Variants in FBXL7 observed in about 807,000 individuals in gnomAD.
FBXL7 encodes F-box/LRR-repeat protein 7.
FBXL7 carries 12 observed loss-of-function variants against 38.3 expected under a neutral mutation model. The observed-to-expected ratio is 0.31, with a 90% CI of 0.20 to 0.51. The LOEUF (loss-of-function observed/expected upper bound fraction) is 0.51. Among genes scored for constraint, FBXL7 ranks in the 20% least tolerant of loss-of-function variants. The pLI is 0.98. For synonymous variants in FBXL7, 297 were observed against 300.9 expected (o/e 0.99, Z 0.13); for missense variants, 567 against 676.4 (o/e 0.84, Z 1.79).
chr5:15,590,219 T>C (rs1335675275), intron 1 of FBXL7, among the ~76,000 whole-genome samples: 1 of 152,178 alleles, frequency 6.6e-6, no homozygotes, highest in East Asian at 1.9e-4. Flanking sequence ...ATTTATCTGC[T>C]GCCTCATCTG....
At position 15,784,004 on chromosome 5, in the gene FBXL7, G is replaced by C. The variant is rs373780814; in HGVS notation, c.128-143886G>C. ...ATCAGCAGGTGAGCACTCAGGTCTA[G>C]CATGGTGGCCCCAATGAGTGAGCTT... On this transcript the variant is annotated intron_variant, in intron 2 of 3. Coordinates refer to ENST00000504595, the MANE Select transcript of FBXL7 (RefSeq NM_012304.5). 5.5e-4 allele frequency among the ~76,000 whole-genome samples: 84 copies of C among 152,292 alleles called. 3 individuals carry two copies. The South Asian group carries it at 0.017, about 32-fold the overall frequency.
intron 1 of FBXL7, among the ~76,000 whole-genome samples, chr5:15,524,160 C>T (rs1167566671): frequency 6.6e-6 from 1 of 152,094 alleles, no homozygotes; most frequent in Admixed American, 6.5e-5. Flanking sequence ...CACTAAGAAG[C>T]ATGTGCGTAT....
intron 1 of FBXL7, among the ~76,000 whole-genome samples, chr5:15,587,164 A>G (rs534156106): frequency 5.3e-5 from 8 of 152,320 alleles, no homozygotes; most frequent in African/African-American, 1.9e-4. Context: ...TACAGACACA[A>G]TCTCTGTTGC....
chr5:15,880,567 CTT>C (rs1025643474), intron 2 of FBXL7, among the ~76,000 whole-genome samples: 2 of 151,994 alleles, frequency 1.3e-5, no homozygotes, highest in Non-Finnish European at 2.9e-5. Flanking sequence ...TTTTGTATAT[CTT>C]TGTTTCATTT....
intron 1 of FBXL7, among the ~76,000 whole-genome samples, chr5:15,534,628 T>G (rs1363992553): frequency 6.6e-6 from 1 of 152,234 alleles, no homozygotes; most frequent in African/African-American, 2.4e-5. Flanking sequence ...AAAATCTGTG[T>G]GCAGATTTTT....
chr5:15,691,368 C>T (rs562060024), intron 2 of FBXL7, among the ~76,000 whole-genome samples: 9 of 152,324 alleles, frequency 5.9e-5, no homozygotes, highest in Non-Finnish European at 1.0e-4. Context: ...TTTTCATATT[C>T]GGACCTTTGC....
chr5:15,768,119 T>C (rs757385624), intron 2 of FBXL7, among the ~76,000 whole-genome samples: 1 of 152,194 alleles, frequency 6.6e-6, no homozygotes, highest in Non-Finnish European at 1.5e-5. Flanking sequence ...TTTACACTGA[T>C]GTAGAGGGAA....
rs547424957 is a variant in FBXL7 at position 15,529,447 on chromosome 5, G to T, written c.37+28734G>T. Among the ~76,000 whole-genome samples, 92 of 151,588 alleles carry T rather than the reference G, an allele frequency of 6.1e-4. 1 individual carries two copies. Among genetic ancestry groups the T allele is most frequent in the Middle Eastern group, 3.4e-3 (1 of 294 alleles). ...GTCTCCCAGGCTGGAGTGCAGTGGC[G>T]CGATCTCGGCTCACTGCAAGCTCTG... On this transcript the variant is annotated intron_variant, in intron 1 of 3. Coordinates refer to ENST00000504595, the MANE Select transcript of FBXL7 (RefSeq NM_012304.5).
At chr5:15,697,495 A>G (rs1236498003) in intron 2 of FBXL7, among the ~76,000 whole-genome samples, 1 of 152,232 alleles carries the variant, frequency 6.6e-6, no homozygotes, top group African/African-American at 2.4e-5. Flanking sequence ...ATAAGATTGA[A>G]TAAGTGCTAT....
At chr5:15,633,739 ATATTAT>A (rs35409501) in intron 2 of FBXL7, among the ~76,000 whole-genome samples, 24,918 of 143,324 alleles carry the variant, frequency 0.17, 2,125 homozygotes, top group Middle Eastern at 0.24. Context: ...AGGGACACAG[ATATTAT>A]TATTATTATT....
chr5:15,517,098 C>T (rs920685064), intron 1 of FBXL7, among the ~76,000 whole-genome samples: 6 of 151,736 alleles, frequency 4.0e-5, no homozygotes, highest in Non-Finnish European at 8.8e-5. Flanking sequence ...GGGATCTCGG[C>T]TCACTGCAAG....
chr5:15,714,133 TCTC>T (rs946488969), intron 2 of FBXL7, among the ~76,000 whole-genome samples: 9 of 152,206 alleles, frequency 5.9e-5, no homozygotes, highest in African/African-American at 2.2e-4. Context: ...CTGGCCTAAA[TCTC>T]CTGTTGAATT....
At chr5:15,651,657 C>A (rs1281178815) in intron 2 of FBXL7, among the ~76,000 whole-genome samples, 1 of 152,180 alleles carries the variant, frequency 6.6e-6, no homozygotes, top group African/African-American at 2.4e-5. Flanking sequence ...TTTGTTGTTT[C>A]ATTTCTAGAG....
intron 1 of FBXL7, among the ~76,000 whole-genome samples, chr5:15,593,388 G>A (rs1739535368): frequency 6.6e-6 from 1 of 152,172 alleles, no homozygotes; most frequent in Admixed American, 6.5e-5. Context: ...GCCAGGTGTG[G>A]TGGTGGGTAC....
chr5:15,555,784 G>GAGATAGATAAATAGATAGATAGAT (rs369000608), intron 1 of FBXL7, among the ~76,000 whole-genome samples: 71 of 139,798 alleles, frequency 5.1e-4, no homozygotes, highest in African/African-American at 1.8e-3. Flanking sequence ...AAGGGTAGAT[G>GAGATAGATAAATAGATAGATAGAT]AGATAGATAG....
intron 2 of FBXL7, among the ~76,000 whole-genome samples, chr5:15,743,094 C>T (rs1735932493): frequency 6.6e-6 from 1 of 152,094 alleles, no homozygotes. Flanking sequence ...CACAGCCAAA[C>T]CATATCATCT....
intron 2 of FBXL7, among the ~76,000 whole-genome samples, chr5:15,637,602 T>G (rs969764417): frequency 6.6e-6 from 1 of 152,210 alleles, no homozygotes; most frequent in Non-Finnish European, 1.5e-5. Flanking sequence ...CCATTCTATA[T>G]TGGTTACTTT....
At chr5:15,845,510 A>C (rs888825712) in intron 2 of FBXL7, among the ~76,000 whole-genome samples, 1 of 152,140 alleles carries the variant, frequency 6.6e-6, no homozygotes, top group Non-Finnish European at 1.5e-5. Context: ...AATTGGAAGG[A>C]GCTCATATTG....
chr5:15,802,143 A>C lies in FBXL7; in HGVS notation c.128-125747A>C, dbSNP rs78986020. On this transcript the variant is annotated intron_variant, in intron 2 of 3. Coordinates refer to ENST00000504595, the MANE Select transcript of FBXL7 (RefSeq NM_012304.5). ...ACCTCCAAAATCTATCTTGGATCTT[A>C]GTACTTCTCACTGTCTCCTCTGTGA... 2.3e-3 allele frequency among the ~76,000 whole-genome samples: 354 copies of C among 152,180 alleles called. 3 individuals carry two copies. The highest frequency in any genetic ancestry group is 7.8e-3 in the African/African-American group (323 of 41,502).
Sources: gnomAD v4.1 joint callset for allele counts (sites outside exome capture counted in the v4.1 genomes callset) on GRCh38, gnomAD v4.1.1 for gene constraint, MANE v1.5 for transcripts, NCBI Gene and HGNC (gene_info 2026-07-23, HGNC 2026-07-21) for gene names.